CCDC88C: variants seen among roughly 807,000 people sequenced by gnomAD.
The protein encoded by CCDC88C is coiled-coil and HOOK domain protein 88C.
In CCDC88C, 131 loss-of-function variants were observed where a neutral mutation model predicts 198.8. The ratio of observed to expected loss-of-function variants is 0.66; its 90% CI spans 0.57 to 0.76. The LOEUF (loss-of-function observed/expected upper bound fraction) is 0.76. CCDC88C is among the 30% of genes least tolerant of loss of function. CCDC88C has a pLI of 0.00. For synonymous variants in CCDC88C, 1,166 were observed against 1,114.7 expected, an observed-to-expected ratio of 1.05 and a Z score of -0.92; for missense variants, 2,553 against 2,631.6, an observed-to-expected ratio of 0.97 and a Z score of 0.65.
intron 26 of CCDC88C, among the ~76,000 whole-genome samples, chr14:91,282,615 G>A (rs1044822709): frequency 1.3e-5 from 2 of 152,170 alleles, no homozygotes; most frequent in Admixed American, 1.3e-4. Context: ...AGGCTAATGA[G>A]ATTACTCAAA....
At position 91,352,566 on chromosome 14, in the gene CCDC88C, C is replaced by A. The variant is rs73338427; in HGVS notation, c.340+7076G>T. On this transcript the variant is annotated intron_variant, in intron 4 of 29. Transcript: ENST00000389857. This position sits in a 1 kb window ranked among gnomAD's most constrained non-coding sequence, Gnocchi z 4.2. ...AATTTTAGAACAATCAAAATGCCTGCAAGATTAGCTTTTTCTTATTTCTTC... is the reference window on the plus strand; with the variant it reads ...AATTTTAGAACAATCAAAATGCCTGAAAGATTAGCTTTTTCTTATTTCTTC... Among the ~76,000 whole-genome samples, 3,581 of 152,278 alleles carry A rather than the reference C, an allele frequency of 0.024. 136 individuals are homozygous for A. Among genetic ancestry groups the A allele is most frequent in the African/African-American group, 0.082 (3,391 of 41,532 alleles).
At chr14:91,363,885 G>C (rs1257492560) in intron 3 of CCDC88C, among the ~76,000 whole-genome samples, 1 of 152,238 alleles carries the variant, frequency 6.6e-6, no homozygotes, top group Non-Finnish European at 1.5e-5. Flanking sequence ...TGCTGACGAG[G>C]GGACCCTCCC....
rs148704585 is a variant in CCDC88C at position 91,291,851 on chromosome 14, C to A, written c.4113-767G>T. On this transcript the variant is annotated intron_variant, in intron 23 of 29. Transcript: ENST00000389857. ...CTCTTGAATCTTGGGCGGGCTCAGG[C>A]ACCTCTGCTTACCGGGGAGACCTTG... Among the ~76,000 whole-genome samples, 379 of 152,328 alleles carry A rather than the reference C, an allele frequency of 2.5e-3. 1 individual carries two copies. Among genetic ancestry groups the A allele is most frequent in the African/African-American group, 8.9e-3 (369 of 41,574 alleles).
intron 4 of CCDC88C, among the ~76,000 whole-genome samples, chr14:91,343,906 A>C (rs1292499608): frequency 6.6e-6 from 1 of 151,852 alleles, no homozygotes; most frequent in Non-Finnish European, 1.5e-5. Context: ...TGCAGCCTTG[A>C]CCTCCCAAGG....
chr14:91,272,274 C>T lies in CCDC88C; in HGVS notation c.*351G>A, dbSNP rs1321493773. On this transcript the variant is annotated 3_prime_UTR_variant, in exon 30 of 30. Transcript: ENST00000389857. ...TGTGTGTGTGCTTAACGGAGCTCAA[C>T]ACATTGCAAATGAGTGTTCTACTGG... is the stretch of plus-strand genomic sequence containing the variant. The T allele has an allele frequency of 4.1e-5, 11 of 266,290 alleles. No homozygotes were observed. Among genetic ancestry groups the T allele is most frequent in the Non-Finnish European group, 7.2e-6 (1 of 138,062 alleles). 16.5% of individuals were successfully genotyped at this position (266,290 alleles called of 1,614,324 possible).
chr14:91,306,769 C>G (rs1211585865), intron 18 of CCDC88C, among the ~76,000 whole-genome samples: 1 of 152,186 alleles, frequency 6.6e-6, no homozygotes, highest in East Asian at 1.9e-4. Context: ...TGGAGTTTCC[C>G]AATCCCTGGT....
chr14:91,406,482 A>T (rs1202700929), intron 3 of CCDC88C, among the ~76,000 whole-genome samples: 1 of 151,632 alleles, frequency 6.6e-6, no homozygotes, highest in Non-Finnish European at 1.5e-5. Flanking sequence ...CCCTCCCATG[A>T]CCCTCCAAAC....
At chr14:91,382,041 T>A (rs1177447275) in intron 3 of CCDC88C, among the ~76,000 whole-genome samples, 1 of 151,974 alleles carries the variant, frequency 6.6e-6, no homozygotes, top group Non-Finnish European at 1.5e-5. Context: ...GAAAGAGCAC[T>A]GGGTTGGATC....
intron 25 of CCDC88C, among the ~76,000 whole-genome samples, chr14:91,286,724 G>A (rs189741957): frequency 6.6e-4 from 101 of 152,338 alleles, no homozygotes; most frequent in African/African-American, 2.3e-3. Flanking sequence ...GCTCTTGTTC[G>A]GCATCTTCAG....
Position 91,368,831 on chromosome 14 carries a change from G to A in CCDC88C, c.271-9120C>T, listed in dbSNP as rs553141483. 3.3e-5 allele frequency among the ~76,000 whole-genome samples: 5 copies of A among 152,324 alleles called. No individual in the cohort carries two copies. In the East Asian group the frequency reaches 9.6e-4, roughly 29 times the overall value. The stretch of plus-strand genomic sequence containing the variant: ...CACAACCTCTTCCTGGATTTGGCCA[G>A]AAGCAGCCCCTGAATGCACCTCAAC... On this transcript the variant is annotated intron_variant, in intron 3 of 29. Coordinates refer to ENST00000389857, the MANE Select transcript of CCDC88C (RefSeq NM_001080414.4).
At chr14:91,291,214 C>T in intron 23 of CCDC88C, 130 bp from the exon 24 acceptor site, 1 of 635,252 alleles carries the variant, frequency 1.6e-6, no homozygotes, top group Non-Finnish European at 2.8e-6. Context: ...TGAGGGTGCT[C>T]ACCACCGTCA....
intron 29 of CCDC88C, among the ~76,000 whole-genome samples, chr14:91,276,856 G>A (rs1356221988): frequency 6.6e-6 from 1 of 152,252 alleles, no homozygotes; most frequent in African/African-American, 2.4e-5. Context: ...CTACAGAGGT[G>A]GCAGGAGGTT....
Position 91,338,263 on chromosome 14 carries a change from G to A in CCDC88C, c.892-100C>T. 2.8e-6 allele frequency: 4 copies of A among 1,432,366 alleles called. No individual in the cohort carries two copies. Among genetic ancestry groups the A allele is most frequent in the Non-Finnish European group, 2.9e-6 (3 of 1,050,578 alleles). The allele number at this position is 1,432,366 out of a possible 1,614,324, so 88.7% of individuals were successfully genotyped here. ...TGCATGGTGTCTCCACGACGGCCCA[G>A]GACAAGCCAGCTCCTGGTGGCCGGG... On this transcript the variant is annotated intron_variant, in intron 9 of 29. Transcript: ENST00000389857. The surrounding 1 kb of genome is among the most constrained non-coding windows in gnomAD (Gnocchi z 4.8).
rs1285788 is a variant in CCDC88C at position 91,338,655 on chromosome 14, T to C, written c.810-85A>G. ...GAGCAGGCTGCCACTTCCTAAAACC[T>C]GTGGGAAAAGGAAAGGACTCGGGAT... On this transcript the variant is annotated intron_variant, in intron 8 of 29. Transcript: ENST00000389857. The surrounding 1 kb of genome is among the most constrained non-coding windows in gnomAD (Gnocchi z 4.8). The C allele has an allele frequency of 2.4e-5, 25 of 1,024,238 alleles. 2 individuals are homozygous for C. The South Asian group carries it at 3.0e-4, about 12-fold the overall frequency. 63.4% of individuals were successfully genotyped at this position (1,024,238 alleles called of 1,614,324 possible).
At chr14:91,379,764 G>C (rs957989236) in intron 3 of CCDC88C, 13 of 696,012 alleles carry the variant, frequency 1.9e-5, no homozygotes, top group Non-Finnish European at 3.4e-5. Flanking sequence ...CCCCGTGCCC[G>C]GGCCTCCTGC....
chr14:91,363,256 T>C lies in CCDC88C; in HGVS notation c.271-3545A>G, dbSNP rs143341985. 2.2e-4 allele frequency among the ~76,000 whole-genome samples: 34 copies of C among 152,046 alleles called. 1 individual carries two copies. In the East Asian group the frequency reaches 4.6e-3, roughly 21 times the overall value. On this transcript the variant is annotated intron_variant, in intron 3 of 29. Transcript: ENST00000389857. ...AAAATATAATCATTTCAACCCATAA[T>C]TGACATAAAAATGTATTATTTTACT...
chr14:91,339,942 G>A lies in CCDC88C; in HGVS notation c.566C>T (p.Ser189Leu), dbSNP rs527616983. 50 of 1,598,704 alleles carry A rather than the reference G, an allele frequency of 3.1e-5. No homozygotes were observed. The highest frequency in any genetic ancestry group is 1.7e-4 in the African/African-American group (13 of 74,660). The change falls in exon 7 of 30, where the codon TCG becomes TTG. Residue 189 changes from serine (S) to leucine (L), a missense_variant. This residue lies in a region of CCDC88C where 1,260 missense variants were observed against 1,412.0 expected (regional missense o/e 0.89). Coordinates refer to ENST00000389857, the MANE Select transcript of CCDC88C (RefSeq NM_001080414.4). The surrounding 1 kb of genome is among the most constrained non-coding windows in gnomAD (Gnocchi z 5.8). ...CCGCAGGTGGAGCACCATGCTCCTC[G>A]ACAGGGCCTCCAGCTCCTCCGGAGC... Reference protein sequence around the residue: ...DVAPEELEALSRSMVLHLRRL... With the variant: ...DVAPEELEALLRSMVLHLRRL...
chr14:91,380,497 G>T (rs1884723187), intron 3 of CCDC88C, among the ~76,000 whole-genome samples: 2 of 152,234 alleles, frequency 1.3e-5, no homozygotes, highest in African/African-American at 4.8e-5. Context: ...AAAGCAGACA[G>T]TACAATAAGC....
chr14:91,307,152 A>G lies in CCDC88C; in HGVS notation c.3081T>C (p.Pro1027=). The G allele has an allele frequency of 6.2e-7, 1 of 1,613,890 alleles. No individual in the cohort carries two copies. Among genetic ancestry groups the G allele is most frequent in the Non-Finnish European group, 8.5e-7 (1 of 1,179,874 alleles). The change falls in exon 18 of 30, where the codon CCT becomes CCC. Residue 1027 remains proline, a synonymous_variant. Coordinates refer to ENST00000389857, the MANE Select transcript of CCDC88C (RefSeq NM_001080414.4). The part of the protein sequence containing the change: ...GQHLQNSFKH[P]AGKTAASHQG... ...GGTGACTGGCGGCTGTCTTCCCCGC[A>G]GGGTGCTTGAAAGAGTTCTGCAAGT...
Sources: allele counts gnomAD v4.1 joint callset (sites outside exome capture counted in the v4.1 genomes callset), GRCh38; gene constraint gnomAD v4.1.1; regional missense constraint gnomAD v4.1.1; non-coding constraint Gnocchi (gnomAD v3.1); transcripts MANE v1.5; gene names NCBI Gene and HGNC (gene_info 2026-07-23, HGNC 2026-07-21).